The following ZNF521 variants were observed in gnomAD, a reference collection of about 807,000 sequenced individuals.
ZNF521 encodes zinc finger protein 521.
In ZNF521, 14 loss-of-function variants were observed where a neutral mutation model predicts 105.5. That is an observed-to-expected ratio of 0.13 (90% confidence interval 0.09 to 0.21). The LOEUF (loss-of-function observed/expected upper bound fraction) is 0.21. ZNF521 is among the 10% of genes least tolerant of loss of function. The probability of loss-of-function intolerance (pLI) is 1.00; values close to 1 mark genes in which losing one functional copy is unlikely to be tolerated. For missense variants in ZNF521, 1,233 were observed against 1,629.7 expected, an observed-to-expected ratio of 0.76 and a Z score of 4.19; for synonymous variants, 635 against 606.0, an observed-to-expected ratio of 1.05 and a Z score of -0.70.
chr18:25,144,502 T>C (rs2034907206), intron 5 of ZNF521, among the ~76,000 whole-genome samples: 1 of 152,178 alleles, frequency 6.6e-6, no homozygotes, highest in Admixed American at 6.6e-5. Flanking sequence ...TTCATATCTT[T>C]ATCAAGAAAA....
rs1438822332 is a variant in ZNF521, at chr18:25,352,084, A to G, written c.-81T>C. The G allele has an allele frequency of 6.1e-6, 3 of 494,046 alleles. No individual in the cohort carries two copies. Among genetic ancestry groups the G allele is most frequent in the Middle Eastern group, 3.6e-4 (1 of 2,772 alleles). 30.6% of individuals were successfully genotyped at this position (494,046 alleles called of 1,614,324 possible). ...TGGAAGCAAGGCCCCCAAAGCCATC[A>G]GGATGGCTCCAGAGGGGGCCCCTAA... On this transcript the variant is annotated 5_prime_UTR_variant, in exon 1 of 8. Coordinates refer to ENST00000361524, the MANE Select transcript of ZNF521 (RefSeq NM_015461.3).
intron 3 of ZNF521, among the ~76,000 whole-genome samples, chr18:25,283,586 G>A (rs926270902): frequency 6.6e-6 from 1 of 152,098 alleles, no homozygotes; most frequent in Non-Finnish European, 1.5e-5. Flanking sequence ...TCATTGTCTT[G>A]ATGTTTCACC....
Position 25,252,146 on chromosome 18 carries a change from G to C in ZNF521, c.221-24449C>G, listed in dbSNP as rs910344172. ...ATTAGCACCCCTCTTACTGCTCCCA[G>C]TTTACTAATGTTCTTACTAATACTG... On this transcript the variant is annotated intron_variant, in intron 3 of 7. Coordinates refer to ENST00000361524, the MANE Select transcript of ZNF521 (RefSeq NM_015461.3). Among the ~76,000 whole-genome samples the C allele has an allele frequency of 2.4e-4, 36 of 152,026 alleles. 1 individual carries two copies. The highest frequency in any genetic ancestry group is 8.5e-4 in the African/African-American group (35 of 41,386).
chr18:25,164,110 G>A (rs1287339356), intron 5 of ZNF521, among the ~76,000 whole-genome samples: 4 of 152,192 alleles, frequency 2.6e-5, no homozygotes, highest in Non-Finnish European at 4.4e-5. Flanking sequence ...TGAAAGTGAA[G>A]CTAACAATTG....
intron 3 of ZNF521, among the ~76,000 whole-genome samples, chr18:25,296,086 T>C (rs1047295644): frequency 6.6e-6 from 1 of 152,210 alleles, no homozygotes; most frequent in African/African-American, 2.4e-5. Flanking sequence ...TATGCCCTTC[T>C]ATTCACTTCC....
intron 3 of ZNF521, among the ~76,000 whole-genome samples, chr18:25,231,216 T>C (rs1203658429): frequency 1.3e-5 from 2 of 152,140 alleles, no homozygotes; most frequent in East Asian, 3.9e-4. Flanking sequence ...TTCCGGACCA[T>C]CTTCTGGCAG....
intron 5 of ZNF521, among the ~76,000 whole-genome samples, chr18:25,123,114 A>G (rs935518976): frequency 8.6e-5 from 13 of 150,368 alleles, no homozygotes; most frequent in African/African-American, 2.9e-4. Flanking sequence ...GAGATGTCTA[A>G]TAATTATCTG....
chr18:25,271,306 T>C (rs868080806), intron 3 of ZNF521, among the ~76,000 whole-genome samples: 2 of 152,148 alleles, frequency 1.3e-5, no homozygotes, highest in Middle Eastern at 3.2e-3. Context: ...ATGCTCATGG[T>C]AGGAAGAAGC....
In ZNF521 at chr18:25,226,807, C is replaced by T. The variant is rs1482936846; in HGVS notation, c.1111G>A (p.Val371Met). The change falls in exon 4 of 8, where the codon GTG becomes ATG. Residue 371 changes from valine (V) to methionine (M), a missense_variant. By Grantham distance (21) the Val-to-Met change is conservative (BLOSUM62 1). Transcript: ENST00000361524. The surrounding 1 kb of genome is among the most constrained non-coding windows in gnomAD (Gnocchi z 4.1). ...SNLSVDSSTMVEAAPPIPKSR... is the reference protein window; with the variant it reads ...SNLSVDSSTMMEAAPPIPKSR... ...TTTGGGATTGGCGGGGCAGCTTCCA[C>T]CATGGTTGAGCTGTCCACTGAGAGG... 6.2e-7 allele frequency: 1 copy of T among 1,613,916 alleles called. No individual in the cohort carries two copies. The highest frequency in any genetic ancestry group is 8.5e-7 in the Non-Finnish European group (1 of 1,180,012).
At chr18:25,207,420 C>A (rs990116641) in intron 4 of ZNF521, among the ~76,000 whole-genome samples, 2 of 152,176 alleles carry the variant, frequency 1.3e-5, no homozygotes, top group African/African-American at 4.8e-5. Context: ...CCAGGACCGA[C>A]TCTCCAGCAC....
intron 3 of ZNF521, among the ~76,000 whole-genome samples, chr18:25,280,966 T>C (rs923470823): frequency 6.6e-6 from 1 of 152,194 alleles, no homozygotes; most frequent in African/African-American, 2.4e-5. Context: ...TTTCCGCTCA[T>C]ACTATCAATT....
intron 5 of ZNF521, among the ~76,000 whole-genome samples, chr18:25,158,782 C>A (rs954919435): frequency 6.6e-6 from 1 of 151,764 alleles, no homozygotes; most frequent in African/African-American, 2.4e-5. Flanking sequence ...GTGGTGAAAC[C>A]CCATCTCTAC....
intron 5 of ZNF521, among the ~76,000 whole-genome samples, chr18:25,180,690 T>C (rs1428862443): frequency 6.6e-6 from 1 of 152,118 alleles, no homozygotes; most frequent in African/African-American, 2.4e-5. Flanking sequence ...TTTACATCCT[T>C]ACAGAAGATC....
intron 5 of ZNF521, among the ~76,000 whole-genome samples, chr18:25,100,504 G>C (rs1364136061): frequency 6.7e-6 from 1 of 149,032 alleles, no homozygotes; most frequent in East Asian, 1.9e-4. Context: ...GGGGTGTTAA[G>C]GGGGCCAAAA....
intron 3 of ZNF521, among the ~76,000 whole-genome samples, chr18:25,297,058 A>T (rs1911362159): frequency 6.6e-6 from 1 of 151,854 alleles, no homozygotes; most frequent in Non-Finnish European, 1.5e-5. Flanking sequence ...ATTTCTTTAT[A>T]CATTTTTCCC....
At chr18:25,111,270 G>A (rs1356994257) in intron 5 of ZNF521, among the ~76,000 whole-genome samples, 1 of 152,094 alleles carries the variant, frequency 6.6e-6, no homozygotes, top group Non-Finnish European at 1.5e-5. Context: ...GTCTGAATAA[G>A]CACTTCAATG....
intron 3 of ZNF521, among the ~76,000 whole-genome samples, chr18:25,292,255 C>CTTTATTCTGGTCGGATAG (rs1911073023): frequency 6.6e-6 from 1 of 152,138 alleles, no homozygotes. Context: ...ATGTCGGATA[C>CTTTATTCTGGTCGGATAG]TTTATTCTGG....
chr18:25,237,795 T>G (rs566158214), intron 3 of ZNF521, among the ~76,000 whole-genome samples: 3 of 152,316 alleles, frequency 2.0e-5, no homozygotes, highest in African/African-American at 7.2e-5. Flanking sequence ...GGCCTGTTGT[T>G]TGGCATGGAT....
chr18:25,243,767 T>C (rs1215439595), intron 3 of ZNF521, among the ~76,000 whole-genome samples: 5 of 152,214 alleles, frequency 3.3e-5, no homozygotes, highest in African/African-American at 1.2e-4. Flanking sequence ...CTTGTTTTCA[T>C]AAATTTTTTA....
Sources: gnomAD v4.1 joint callset for allele counts (sites outside exome capture counted in the v4.1 genomes callset) on GRCh38, gnomAD v4.1.1 for gene constraint, Gnocchi (gnomAD v3.1) non-coding constraint, MANE v1.5 for transcripts, NCBI Gene and HGNC (gene_info 2026-07-23, HGNC 2026-07-21) for gene names.